The following USH1C variants were observed in gnomAD, a reference collection of about 807,000 sequenced individuals.
USH1C encodes USH1 protein network component harmonin.
Under a neutral mutation model 119.3 loss-of-function variants are expected in USH1C, and 90 were observed. The observed-to-expected ratio is 0.75, with a 90% CI of 0.64 to 0.90. The LOEUF (loss-of-function observed/expected upper bound fraction) is 0.90. Among genes scored for constraint, USH1C ranks in the 40% least tolerant of loss-of-function variants. The pLI, the probability that USH1C is intolerant of heterozygous loss-of-function variation, is 0.00. For synonymous variants in USH1C, 465 were observed against 443.3 expected (o/e 1.05, Z -0.62); for missense variants, 1,165 against 1,167.7 (o/e 1.00, Z 0.03).
At chr11:17,501,770 T>C (rs1455453622) in intron 21 of USH1C, among the ~76,000 whole-genome samples, 169 bp downstream of exon 21, 2 of 152,080 alleles carry the variant, frequency 1.3e-5, no homozygotes, top group Non-Finnish European at 2.9e-5. Context: ...GGAGTGCCCT[T>C]TGGAAGGAAT....
chr11:17,536,159 A>G (rs1176365510), intron 1 of USH1C, among the ~76,000 whole-genome samples: 13 of 152,154 alleles, frequency 8.5e-5, no homozygotes, highest in Non-Finnish European at 2.9e-5. Context: ...TTCTAAGGGG[A>G]GCATAAAAAT....
chr11:17,540,766 C>T (rs184655448), intron 1 of USH1C, among the ~76,000 whole-genome samples: 16 of 152,332 alleles, frequency 1.1e-4, no homozygotes, highest in Admixed American at 3.3e-4. Context: ...CACCCGAGTC[C>T]GAGCCCCTGC....
intron 14 of USH1C, among the ~76,000 whole-genome samples, chr11:17,517,055 G>A (rs1235335466): frequency 6.6e-6 from 1 of 152,182 alleles, no homozygotes; most frequent in Non-Finnish European, 1.5e-5. Flanking sequence ...GCCTCCTGCT[G>A]GACCAGACAC....
chr11:17,536,979 C>T (rs184963558), intron 1 of USH1C, among the ~76,000 whole-genome samples: 1 of 152,176 alleles, frequency 6.6e-6, no homozygotes, highest in African/African-American at 2.4e-5. Context: ...CCAGAAATAT[C>T]TCAGAAAGAC....
chr11:17,515,117 A>T (rs1406375444), intron 15 of USH1C, among the ~76,000 whole-genome samples: 1 of 151,992 alleles, frequency 6.6e-6, no homozygotes, highest in Non-Finnish European at 1.5e-5. Flanking sequence ...TAGTAGAGGC[A>T]GAATATAGAG....
chr11:17,531,690 G>C lies in USH1C; in HGVS notation c.105-148C>G. 5.0e-6 allele frequency: 5 copies of C among 1,008,022 alleles called. No homozygotes were observed. Among genetic ancestry groups the C allele is most frequent in the Non-Finnish European group, 7.3e-6 (5 of 682,994 alleles). The allele number at this position is 1,008,022 out of a possible 1,614,324, so 62.4% of individuals were successfully genotyped here. On this transcript the variant is annotated intron_variant, in intron 2 of 26. Transcript: ENST00000005226. This position sits in a 1 kb window ranked among gnomAD's most constrained non-coding sequence, Gnocchi z 4.2. ...TGAAAAGCCCAGAGCTCTTCACACC[G>C]GGCCAGTGCCTGAGAAGACTTTGTT...
intron 9 of USH1C, 111 bp downstream of exon 9, chr11:17,524,340 T>A: frequency 8.5e-7 from 1 of 1,175,822 alleles, no homozygotes; most frequent in Non-Finnish European, 1.2e-6. Context: ...ACTCCCTCAG[T>A]GTCCACTGAA....
intron 20 of USH1C, among the ~76,000 whole-genome samples, chr11:17,503,207 T>A (rs546167773): frequency 3.3e-5 from 5 of 152,196 alleles, no homozygotes; most frequent in Admixed American, 1.3e-4. Flanking sequence ...GGGGGTGCAG[T>A]GAATGCACAG....
At chr11:17,496,498 C>T (rs1313928324) in intron 25 of USH1C, among the ~76,000 whole-genome samples, 4 of 152,210 alleles carry the variant, frequency 2.6e-5, no homozygotes, top group African/African-American at 9.6e-5. Flanking sequence ...TCTCTGCTTA[C>T]CCGGTCTAAG....
intron 26 of USH1C, 162 bp from the exon 27 acceptor site, chr11:17,494,538 C>T (rs1297768122): frequency 3.3e-5 from 24 of 737,270 alleles, no homozygotes; most frequent in Admixed American, 6.2e-5. Flanking sequence ...TGGCTACACA[C>T]CAGCCACAGC....
At chr11:17,537,688 G>A (rs2133946685) in intron 1 of USH1C, among the ~76,000 whole-genome samples, 1 of 152,302 alleles carries the variant, frequency 6.6e-6, no homozygotes, top group Admixed American at 6.5e-5. Flanking sequence ...TTTCAGATGA[G>A]GCCCAAGTCC....
At chr11:17,511,184 C>T (rs1849870690) in intron 16 of USH1C, among the ~76,000 whole-genome samples, 2 of 152,156 alleles carry the variant, frequency 1.3e-5, no homozygotes, top group African/African-American at 4.8e-5. Context: ...CAGATATATT[C>T]CCAGGTTGAT....
At chr11:17,501,801 G>T in intron 21 of USH1C, 138 bp downstream of exon 21, 1 of 1,025,704 alleles carries the variant, frequency 9.7e-7, no homozygotes, top group Non-Finnish European at 1.5e-6. Context: ...AGAGCAGCTG[G>T]GGCATCACTG....
At chr11:17,521,289 A>G in intron 13 of USH1C, 57 bp downstream of exon 13, 1 of 1,592,474 alleles carries the variant, frequency 6.3e-7, no homozygotes, top group Non-Finnish European at 8.6e-7. Flanking sequence ...GGTTGGCCAC[A>G]CTCCCCTGAG....
chr11:17,501,888 A>T, intron 21 of USH1C, 51 bp downstream of exon 21: 2 of 1,601,194 alleles, frequency 1.2e-6, no homozygotes, highest in Non-Finnish European at 1.7e-6. Context: ...TAACCCCCAC[A>T]CTGCCCTGTT....
intron 14 of USH1C, chr11:17,517,415 C>T (rs1244378437): frequency 1.3e-6 from 2 of 1,588,450 alleles, no homozygotes; most frequent in South Asian, 1.1e-5. Context: ...TCTCCCTGCT[C>T]CTCCGTGCCT....
At position 17,520,338 on chromosome 11, in the gene USH1C, C is replaced by T. The variant is rs953738782; in HGVS notation, c.1210+532G>A. Among the ~76,000 whole-genome samples the T allele has an allele frequency of 6.4e-4, 98 of 152,210 alleles. 1 individual carries two copies. Among genetic ancestry groups the T allele is most frequent in the Admixed American group, 7.8e-4 (12 of 15,296 alleles). On this transcript the variant is annotated intron_variant, in intron 14 of 26. Coordinates refer to ENST00000005226, the MANE Select transcript of USH1C (RefSeq NM_153676.4). Reference sequence around the variant, plus strand: ...CCCATAGCTGGGTGTCTGGGAGAGGCCTCCTTGTCCTGTTCCTGCCTCCAT... The same window carrying T: ...CCCATAGCTGGGTGTCTGGGAGAGGTCTCCTTGTCCTGTTCCTGCCTCCAT...
intron 14 of USH1C, chr11:17,517,430 C>G: frequency 6.3e-7 from 1 of 1,595,592 alleles, no homozygotes; most frequent in African/African-American, 1.3e-5. Flanking sequence ...GTGCCTCCAT[C>G]CAGGTCATCT....
At chr11:17,527,900 T>C (rs1409966093) in intron 4 of USH1C, among the ~76,000 whole-genome samples, 1 of 152,082 alleles carries the variant, frequency 6.6e-6, no homozygotes, top group Admixed American at 6.5e-5. Context: ...TTGATGAACA[T>C]TTTAACTCTG....
Sources: allele counts gnomAD v4.1 joint callset (sites outside exome capture counted in the v4.1 genomes callset), GRCh38; gene constraint gnomAD v4.1.1; non-coding constraint Gnocchi (gnomAD v3.1); transcripts MANE v1.5; gene names NCBI Gene and HGNC (gene_info 2026-07-23, HGNC 2026-07-21).